AFG2A: variants seen among roughly 807,000 people sequenced by gnomAD.
AFG2A encodes the protein ATPase family gene 2 protein homolog A.
At chr4:123,301,887 G>A in the AFG2A span, among the ~76,000 whole-genome samples, 1 of 152,164 alleles carries the variant, frequency 6.6e-6, no homozygotes, top group Admixed American at 6.5e-5. Context: ...TACAGATTAA[G>A]ACTGGGTATA....
the AFG2A span, among the ~76,000 whole-genome samples, chr4:122,949,104 TTAGA>T: frequency 6.6e-6 from 1 of 152,180 alleles, no homozygotes; most frequent in Admixed American, 6.5e-5. Context: ...ATGGCCTGGG[TTAGA>T]TCGTGAGAGT....
At chr4:122,959,854 C>G in the AFG2A span, among the ~76,000 whole-genome samples, 1 of 152,068 alleles carries the variant, frequency 6.6e-6, no homozygotes, top group Non-Finnish European at 1.5e-5. Context: ...AAGTATTTTC[C>G]ATATCTTTTA....
chr4:122,959,909 G>A, the AFG2A span, among the ~76,000 whole-genome samples: 22 of 152,270 alleles, frequency 1.4e-4, no homozygotes, highest in African/African-American at 5.3e-4. Context: ...CACTACAATA[G>A]GAAGTGTTGC....
At chr4:123,090,851 G>A in the AFG2A span, 1 of 1,125,434 alleles carries the variant, frequency 8.9e-7, no homozygotes, top group Non-Finnish European at 1.2e-6. Flanking sequence ...CTGTGGACTG[G>A]TTACCATCTT....
the AFG2A span, among the ~76,000 whole-genome samples, chr4:123,160,955 T>C: frequency 6.6e-6 from 1 of 152,332 alleles, no homozygotes; most frequent in South Asian, 2.1e-4. Flanking sequence ...AAATGTGTTC[T>C]CTGTCTCTCT....
At chr4:123,234,023 AAG>A in the AFG2A span, among the ~76,000 whole-genome samples, 11 of 152,164 alleles carry the variant, frequency 7.2e-5, no homozygotes, top group South Asian at 2.3e-3. Context: ...CCCACCATAA[AAG>A]AGGGGAAAAT....
the AFG2A span, among the ~76,000 whole-genome samples, chr4:123,040,023 A>T: frequency 2.0e-5 from 3 of 151,738 alleles, no homozygotes; most frequent in African/African-American, 7.3e-5. Flanking sequence ...TTTTTAAGAC[A>T]CTTCCACCTT....
At chr4:123,015,172 T>C in the AFG2A span, among the ~76,000 whole-genome samples, 2 of 146,316 alleles carry the variant, frequency 1.4e-5, no homozygotes, top group East Asian at 4.2e-4. Context: ...GTATTTTGTC[T>C]GACATTTTTC....
At chr4:123,090,521 A>G in the AFG2A span, 1 of 1,576,274 alleles carries the variant, frequency 6.3e-7, no homozygotes. Flanking sequence ...AAAAATTAAT[A>G]GATAATAGTA....
At chr4:123,118,319 TATTATATATAA>T in the AFG2A span, among the ~76,000 whole-genome samples, 1 of 102,718 alleles carries the variant, frequency 9.7e-6, no homozygotes, top group East Asian at 3.3e-4. Flanking sequence ...ATATAATATA[TATTATATATAA>T]TATATATATT....
the AFG2A span, among the ~76,000 whole-genome samples, chr4:123,072,232 T>C: frequency 1.3e-5 from 2 of 152,194 alleles, no homozygotes; most frequent in Non-Finnish European, 1.5e-5. Context: ...ACTTAACTAA[T>C]ACCTGTAATG....
the AFG2A span, among the ~76,000 whole-genome samples, chr4:123,003,651 A>T: frequency 6.6e-6 from 1 of 151,934 alleles, no homozygotes; most frequent in East Asian, 2.0e-4. Context: ...CTGCTGTCTG[A>T]TCATCCCTCT....
chr4:122,985,026 A>G, the AFG2A span, among the ~76,000 whole-genome samples: 1 of 151,924 alleles, frequency 6.6e-6, no homozygotes, highest in African/African-American at 2.4e-5. Context: ...TGTCAAAAGG[A>G]TTGAAGGATT....
the AFG2A span, among the ~76,000 whole-genome samples, chr4:123,019,507 T>C: frequency 6.6e-6 from 1 of 152,212 alleles, no homozygotes; most frequent in Admixed American, 6.5e-5. Context: ...TCCTTCTTTA[T>C]AATTTCTTGT....
the AFG2A span, among the ~76,000 whole-genome samples, chr4:123,167,301 C>T: frequency 2.0e-5 from 3 of 150,770 alleles, no homozygotes; most frequent in Non-Finnish European, 4.4e-5. Context: ...CCTACTTAGC[C>T]TTTCTTTCTC....
chr4:123,223,174 GT>G, the AFG2A span, among the ~76,000 whole-genome samples: 1 of 152,122 alleles, frequency 6.6e-6, no homozygotes, highest in African/African-American at 2.4e-5. Flanking sequence ...AAGGATTCCA[GT>G]TTTTCCACAT....
chr4:122,955,263 G>A, the AFG2A span, among the ~76,000 whole-genome samples: 1 of 152,060 alleles, frequency 6.6e-6, no homozygotes, highest in Non-Finnish European at 1.5e-5. Flanking sequence ...GCCTTCACGT[G>A]GCAACCCTCC....
the AFG2A span, chr4:123,090,544 T>C: frequency 6.2e-7 from 1 of 1,611,294 alleles, no homozygotes. Flanking sequence ...TGAAGATAAG[T>C]AAAGATATTT....
chr4:123,053,577 G>C, the AFG2A span, among the ~76,000 whole-genome samples: 1 of 152,210 alleles, frequency 6.6e-6, no homozygotes, highest in Admixed American at 6.5e-5. Flanking sequence ...AGGGGGGTCT[G>C]GTACTGAGAC....
Sources: allele counts gnomAD v4.1 joint callset (sites outside exome capture counted in the v4.1 genomes callset), GRCh38; gene constraint gnomAD v4.1.1; transcripts MANE v1.5; gene names NCBI Gene and HGNC (gene_info 2026-07-23, HGNC 2026-07-21).